The following ERICH1 variants were observed in gnomAD, a reference collection of about 807,000 sequenced individuals.
ERICH1 encodes glutamate rich 1.
A neutral mutation model predicts 39.6 loss-of-function variants in ERICH1; 56 were observed. That is an observed-to-expected ratio of 1.41 (90% CI 1.14 to 1.77). ERICH1 has a LOEUF of 1.77. Ranked by LOEUF, ERICH1 falls within the 40% of genes most tolerant of loss-of-function variation. The pLI is 0.00. For synonymous variants in ERICH1, 313 were observed against 223.6 expected, an observed-to-expected ratio of 1.40 and a Z score of -3.57; for missense variants, 826 against 575.4, an observed-to-expected ratio of 1.44 and a Z score of -4.45.
chr8:654,844 C>T (rs1005936011), intron 3 of ERICH1, among the ~76,000 whole-genome samples: 3 of 152,106 alleles, frequency 2.0e-5, no homozygotes, highest in African/African-American at 7.2e-5. Context: ...CAGGAGAGGA[C>T]CCCCCGAGTA....
At chr8:643,265 G>C (rs1013788692) in intron 3 of ERICH1, among the ~76,000 whole-genome samples, 1 of 151,996 alleles carries the variant, frequency 6.6e-6, no homozygotes, top group African/African-American at 2.4e-5. Flanking sequence ...GGTCGCAGCA[G>C]GGACGGGAAG....
intron 3 of ERICH1, chr8:640,435 G>C (rs930855536): frequency 6.6e-6 from 1 of 152,196 alleles, no homozygotes; most frequent in African/African-American, 2.4e-5. Context: ...TATGAAAGAG[G>C]AGATTTACTC....
chr8:692,759 T>A, intron 2 of ERICH1, 147 bp from the exon 3 acceptor site: 1 of 996,188 alleles, frequency 1.0e-6, no homozygotes, highest in Non-Finnish European at 1.4e-6. Flanking sequence ...CTGTCATAAA[T>A]ACTGATTTTA....
At chr8:677,305 G>A (rs1209886046) in intron 3 of ERICH1, among the ~76,000 whole-genome samples, 4 of 152,226 alleles carry the variant, frequency 2.6e-5, no homozygotes, top group East Asian at 3.9e-4. Context: ...ACTGAACGCC[G>A]CTGTGGAACT....
rs1271510843 is a variant in ERICH1 at position 646,962 on chromosome 8, C to T, written c.976+21636G>A. Among the ~76,000 whole-genome samples, 98 of 68,860 alleles carry T rather than the reference C, an allele frequency of 1.4e-3. 40 individuals carry two copies. Among genetic ancestry groups the T allele is most frequent in the Non-Finnish European group, 9.6e-4 (21 of 21,952 alleles). 45.2% of individuals were successfully genotyped at this position (68,860 alleles called of 152,430 possible). A position where few individuals can be genotyped will look rare whatever the true frequency, so the allele number is the denominator to read the frequency against. ...GCAATTCACGCCAGTTAATCTGTGC[C>T]GAGGGCCTACCAAGCCCTCCACATT... is the stretch of plus-strand genomic sequence containing the variant. On this transcript the variant is annotated intron_variant, in intron 3 of 3. Coordinates refer to the ERICH1 transcript ENST00000522706.
intron 4 of ERICH1, among the ~76,000 whole-genome samples, chr8:671,400 G>T (rs1457140761): frequency 3.9e-5 from 5 of 126,998 alleles, no homozygotes; most frequent in African/African-American, 9.1e-5. Flanking sequence ...TGCTCACTGG[G>T]CTCCAGGCTG....
intron 2 of ERICH1, among the ~76,000 whole-genome samples, chr8:715,037 A>G (rs938019853): frequency 7.5e-5 from 9 of 119,636 alleles, no homozygotes; most frequent in Admixed American, 7.2e-4. Context: ...CAGGTGGTCT[A>G]TTCCCGTGTC....
rs193060264 is a variant in ERICH1 at position 653,225 on chromosome 8, A to C, written c.976+15373T>G. On this transcript the variant is annotated intron_variant, in intron 3 of 3. Transcript: ENST00000522706. The stretch of plus-strand genomic sequence containing the variant: ...ATGTCCATCTACAGATCAATGGACA[A>C]ACACAGTGCCATGTGCTAACACGAA... Among the ~76,000 whole-genome samples the C allele has an allele frequency of 2.6e-5, 4 of 152,372 alleles. No homozygotes were observed. In the East Asian group the frequency reaches 7.7e-4, roughly 29 times the overall value.
chr8:649,947 G>A (rs1799733006), intron 3 of ERICH1, among the ~76,000 whole-genome samples: 1 of 152,206 alleles, frequency 6.6e-6, no homozygotes, highest in South Asian at 2.1e-4. Flanking sequence ...TGGCGTCAGG[G>A]AGAAGACGGC....
intron 3 of ERICH1, chr8:627,357 C>A (rs182472210): frequency 5.2e-6 from 2 of 383,488 alleles, no homozygotes; most frequent in African/African-American, 2.1e-5. Context: ...CATTCCTGGA[C>A]AGGAAAAGTC....
rs199584433 is a variant in ERICH1 at position 616,432 on chromosome 8, C to CCG, written c.977-1149_977-1148insCG. 139 of 432,706 alleles carry CCG rather than the reference C, an allele frequency of 3.2e-4. 4 individuals are homozygous for CCG. Among genetic ancestry groups the CCG allele is most frequent in the African/African-American group, 2.3e-3 (113 of 49,550 alleles). The allele number at this position is 432,706 out of a possible 1,614,324, so 26.8% of individuals were successfully genotyped here. ...TGAGGCTGACCGAACCCCGCACACC[C>CCG]CATGCTCTCCTGGCTAAGCGGATTC... On this transcript the variant is annotated intron_variant, in intron 3 of 3. Coordinates refer to the ERICH1 transcript ENST00000522706.
intron 2 of ERICH1, among the ~76,000 whole-genome samples, chr8:696,913 C>T (rs1427524309): frequency 6.6e-6 from 1 of 151,098 alleles, no homozygotes; most frequent in East Asian, 2.0e-4. Flanking sequence ...TCCTTCCTCC[C>T]CATCAGCCTG....
chr8:704,764 A>C (rs1172223144), intron 2 of ERICH1, among the ~76,000 whole-genome samples: 4 of 152,200 alleles, frequency 2.6e-5, no homozygotes, highest in African/African-American at 9.7e-5. Flanking sequence ...CCAAAAAAGA[A>C]AGAAAAAGAA....
chr8:639,781 C>CAG (rs1798785668), intron 3 of ERICH1, among the ~76,000 whole-genome samples: 1 of 127,488 alleles, frequency 7.8e-6, no homozygotes. Flanking sequence ...ATCCAGTTAG[C>CAG]ACACATGACC....
At chr8:616,634 C>T (rs1796915040) in intron 3 of ERICH1, 2 of 451,402 alleles carry the variant, frequency 4.4e-6, no homozygotes, top group Admixed American at 4.8e-5. Context: ...GAGGCAGAGA[C>T]AGAGAAGGAG....
chr8:725,624 T>C (rs1237791402), intron 1 of ERICH1, among the ~76,000 whole-genome samples: 2 of 152,170 alleles, frequency 1.3e-5, no homozygotes, highest in Non-Finnish European at 2.9e-5. Flanking sequence ...TGCCCCCATG[T>C]CTGAGCAGCT....
In ERICH1 at chr8:682,066, T is replaced by C. The variant is rs1299993052; in HGVS notation, c.305-8019A>G. ...CTGCCCCTTGGCTACAGATTCCCAC[T>C]TTTCCATGATGAGTAGGTCTTGAGC... On this transcript the variant is annotated intron_variant, in intron 3 of 5. Coordinates refer to ENST00000262109, the MANE Select transcript of ERICH1 (RefSeq NM_207332.3). 7.2e-3 allele frequency among the ~76,000 whole-genome samples: 34 copies of C among 4,740 alleles called. 1 individual carries two copies. Among genetic ancestry groups the C allele is most frequent in the Admixed American group, 0.06 (31 of 518 alleles). The allele number at this position is 4,740 out of a possible 152,430, so 3.1% of individuals were successfully genotyped here.
At chr8:635,921 C>T (rs555970832) in intron 3 of ERICH1, among the ~76,000 whole-genome samples, 8 of 152,238 alleles carry the variant, frequency 5.3e-5, no homozygotes, top group Non-Finnish European at 1.2e-4. Flanking sequence ...GCGGCTCTTA[C>T]GCGGCAGGTG....
intron 3 of ERICH1, among the ~76,000 whole-genome samples, chr8:621,343 A>G (rs891044197): frequency 2.0e-5 from 3 of 152,136 alleles, no homozygotes; most frequent in African/African-American, 7.2e-5. Flanking sequence ...TAACCTTTCT[A>G]CCTTAAGACA....
Sources: allele counts gnomAD v4.1 joint callset (sites outside exome capture counted in the v4.1 genomes callset), GRCh38; gene constraint gnomAD v4.1.1; transcripts MANE v1.5; gene names NCBI Gene and HGNC (gene_info 2026-07-23, HGNC 2026-07-21).